The following STXBP5 variants were observed in gnomAD, a reference collection of about 807,000 sequenced individuals.
The protein encoded by STXBP5 is syntaxin-binding protein 5.
STXBP5 carries 50 observed loss-of-function variants against 152.4 expected under a neutral mutation model. The observed-to-expected ratio is 0.33, with a 90% CI of 0.26 to 0.42. The LOEUF is 0.42. Ranked by LOEUF, STXBP5 falls within the 10% of genes least tolerant of loss-of-function variation. The pLI, the probability that STXBP5 is intolerant of heterozygous loss-of-function variation, is 1.00. For missense variants in STXBP5, 1,167 were observed against 1,388.6 expected (o/e 0.84, Z 2.54); for synonymous variants, 492 against 494.7 (o/e 0.99, Z 0.07).
intron 4 of STXBP5, among the ~76,000 whole-genome samples, chr6:147,241,802 T>C (rs939864530): frequency 6.6e-6 from 1 of 152,230 alleles, no homozygotes; most frequent in South Asian, 2.1e-4. Flanking sequence ...ATTCACATGT[T>C]TGTAGTAATA....
At chr6:147,376,678 G>C (rs938728376) in intron 26 of STXBP5, among the ~76,000 whole-genome samples, 1 of 151,986 alleles carries the variant, frequency 6.6e-6, no homozygotes, top group Non-Finnish European at 1.5e-5. Context: ...TTTAGTGGTA[G>C]TATGCACCTG....
At chr6:147,300,071 T>A (rs1781729794) in intron 9 of STXBP5, among the ~76,000 whole-genome samples, 1 of 151,844 alleles carries the variant, frequency 6.6e-6, no homozygotes, top group African/African-American at 2.4e-5. Context: ...CAATAGCTAC[T>A]GAAAAAAGAT....
intron 2 of STXBP5, among the ~76,000 whole-genome samples, 160 bp downstream of exon 2, chr6:147,206,228 G>T (rs1405073960): frequency 6.6e-6 from 1 of 152,082 alleles, no homozygotes; most frequent in African/African-American, 2.4e-5. Context: ...TTATAATTCA[G>T]CTTATATACT....
At chr6:147,263,342 C>CT (rs1029110765) in intron 6 of STXBP5, among the ~76,000 whole-genome samples, 2,750 of 128,744 alleles carry the variant, frequency 0.021, 29 homozygotes, top group Middle Eastern at 0.041. Context: ...TTCTTTCTTT[C>CT]TTTTTTTTTT....
At chr6:147,227,514 T>C (rs988119483) in intron 2 of STXBP5, among the ~76,000 whole-genome samples, 3 of 152,188 alleles carry the variant, frequency 2.0e-5, no homozygotes, top group African/African-American at 4.8e-5. Context: ...AGCATTTGCC[T>C]CATATCTCCC....
At chr6:147,219,718 AT>A (rs1777359202) in intron 2 of STXBP5, among the ~76,000 whole-genome samples, 1 of 150,954 alleles carries the variant, frequency 6.6e-6, no homozygotes, top group African/African-American at 2.4e-5. Flanking sequence ...GTCCATGGAA[AT>A]TAAAGTGATG....
chr6:147,240,199 C>T (rs1335286089), intron 4 of STXBP5, among the ~76,000 whole-genome samples: 1 of 152,176 alleles, frequency 6.6e-6, no homozygotes, highest in Non-Finnish European at 1.5e-5. Flanking sequence ...GCCTCAGCCT[C>T]CCAAAGAGCT....
chr6:147,300,795 T>C (rs551372380), intron 9 of STXBP5, among the ~76,000 whole-genome samples: 19 of 151,788 alleles, frequency 1.3e-4, no homozygotes, highest in African/African-American at 4.6e-4. Context: ...AAAGCCAAAA[T>C]AGAAAAATGG....
intron 5 of STXBP5, among the ~76,000 whole-genome samples, chr6:147,262,089 G>C (rs1414199330): frequency 6.6e-6 from 1 of 151,820 alleles, no homozygotes; most frequent in East Asian, 1.9e-4. Flanking sequence ...ATTTTGCTTA[G>C]TTATATGAGT....
At chr6:147,264,218 A>C (rs1258617046) in intron 6 of STXBP5, among the ~76,000 whole-genome samples, 2 of 152,102 alleles carry the variant, frequency 1.3e-5, no homozygotes, top group African/African-American at 4.8e-5. Flanking sequence ...TGACAGGGCA[A>C]GTTCCTTCAA....
intron 8 of STXBP5, 34 bp from the exon 9 acceptor site, chr6:147,291,060 A>C (rs1042172094): frequency 7.2e-6 from 11 of 1,533,794 alleles, no homozygotes; most frequent in Non-Finnish European, 8.9e-6. Context: ...GTAACTTAGA[A>C]TTTTAGAATT....
chr6:147,364,234 C>A, intron 25 of STXBP5, 68 bp downstream of exon 25: 1 of 1,387,428 alleles, frequency 7.2e-7, no homozygotes, highest in South Asian at 1.3e-5. Context: ...CGTATACTGT[C>A]TGCCCCTTAT....
intron 8 of STXBP5, among the ~76,000 whole-genome samples, chr6:147,280,552 T>C (rs1780653587): frequency 6.6e-6 from 1 of 152,226 alleles, no homozygotes; most frequent in Non-Finnish European, 1.5e-5. Flanking sequence ...TATGAACATA[T>C]TATACTTCAT....
intron 3 of STXBP5, among the ~76,000 whole-genome samples, chr6:147,236,660 C>T (rs1778285054): frequency 6.6e-6 from 1 of 152,178 alleles, no homozygotes; most frequent in East Asian, 1.9e-4. Context: ...CATCAAGATA[C>T]AGGTCAGTTC....
chr6:147,383,168 T>A (rs578112011), intron 27 of STXBP5, among the ~76,000 whole-genome samples, 170 bp downstream of exon 27: 1 of 152,222 alleles, frequency 6.6e-6, no homozygotes, highest in Non-Finnish European at 1.5e-5. Flanking sequence ...CAGGAATGTA[T>A]CTCTAATAGC....
Position 147,378,487 on chromosome 6 carries a change from G to A in STXBP5, c.3194-4291G>A, listed in dbSNP as rs181824416. Among the ~76,000 whole-genome samples, 298 of 149,894 alleles carry A rather than the reference G, an allele frequency of 2.0e-3. 1 individual carries two copies. Among genetic ancestry groups the A allele is most frequent in the African/African-American group, 7.2e-3 (292 of 40,722 alleles). On this transcript the variant is annotated intron_variant, in intron 26 of 27. Coordinates refer to ENST00000321680, the MANE Select transcript of STXBP5 (RefSeq NM_001127715.4). ...CTAAATTGCAAATGTCACTCTTAAT[G>A]CAGGAACATTAAATGATATTAAAAA...
intron 21 of STXBP5, among the ~76,000 whole-genome samples, chr6:147,348,954 A>G (rs1679610482): frequency 6.6e-6 from 1 of 152,184 alleles, no homozygotes; most frequent in African/African-American, 2.4e-5. Context: ...GAAATATGCA[A>G]AAATGTTGCT....
chr6:147,233,861 C>G (rs1161047472), intron 2 of STXBP5, among the ~76,000 whole-genome samples: 1 of 149,612 alleles, frequency 6.7e-6, no homozygotes, highest in Non-Finnish European at 1.5e-5. Flanking sequence ...ACTATTATGA[C>G]TACTACTACT....
intron 9 of STXBP5, among the ~76,000 whole-genome samples, chr6:147,302,318 A>C (rs1223216214): frequency 6.6e-6 from 1 of 152,168 alleles, no homozygotes; most frequent in Non-Finnish European, 1.5e-5. Flanking sequence ...GGAGATTCTG[A>C]ACAGGCACAC....
Sources: gnomAD v4.1 joint callset for allele counts (sites outside exome capture counted in the v4.1 genomes callset) on GRCh38, gnomAD v4.1.1 for gene constraint, MANE v1.5 for transcripts, NCBI Gene and HGNC (gene_info 2026-07-23, HGNC 2026-07-21) for gene names.